The following CDH18 variants were observed in gnomAD, a reference collection of about 807,000 sequenced individuals.
CDH18 encodes cadherin 18.
Under a neutral mutation model 67.9 loss-of-function variants are expected in CDH18, and 31 were observed. The ratio of observed to expected loss-of-function variants is 0.46; its 90% CI spans 0.34 to 0.62. The LOEUF (loss-of-function observed/expected upper bound fraction) is 0.62. CDH18 is among the 20% of genes least tolerant of loss of function. The pLI, the probability that CDH18 is intolerant of heterozygous loss-of-function variation, is 0.01. For synonymous variants in CDH18, 362 were observed against 347.2 expected, an observed-to-expected ratio of 1.04 and a Z score of -0.48; for missense variants, 890 against 975.5, an observed-to-expected ratio of 0.91 and a Z score of 1.17.
chr5:19,661,363 T>G (rs1757148090), intron 5 of CDH18, among the ~76,000 whole-genome samples: 1 of 151,968 alleles, frequency 6.6e-6, no homozygotes. Context: ...GTGATAGTAA[T>G]GTACTGGTGA....
At chr5:20,302,734 C>G (rs1173767420) in intron 1 of CDH18, among the ~76,000 whole-genome samples, 1 of 152,212 alleles carries the variant, frequency 6.6e-6, no homozygotes, top group African/African-American at 2.4e-5. Flanking sequence ...GAATGCGCTA[C>G]GCACTGAAGA....
At chr5:20,426,157 A>C (rs2150167617) in intron 1 of CDH18, among the ~76,000 whole-genome samples, 1 of 151,356 alleles carries the variant, frequency 6.6e-6, no homozygotes, top group Non-Finnish European at 1.5e-5. Context: ...AAGTTACATG[A>C]CAACTTTGTG....
At chr5:19,900,898 G>A (rs1038627564) in intron 2 of CDH18, among the ~76,000 whole-genome samples, 2 of 152,078 alleles carry the variant, frequency 1.3e-5, no homozygotes, top group Admixed American at 6.6e-5. Context: ...TATCAGTAAA[G>A]ACGAGCCTTC....
intron 1 of CDH18, among the ~76,000 whole-genome samples, chr5:20,555,461 T>TTTTTG (rs1757855707): frequency 8.3e-6 from 1 of 119,784 alleles, no homozygotes; most frequent in African/African-American, 3.1e-5. Flanking sequence ...CTTTTTTCTT[T>TTTTTG]GAGACAGATT....
chr5:20,345,615 T>C (rs1740635955), intron 1 of CDH18, among the ~76,000 whole-genome samples: 1 of 152,114 alleles, frequency 6.6e-6, no homozygotes, highest in Non-Finnish European at 1.5e-5. Flanking sequence ...GTTTTTTAAA[T>C]AATATGTAAG....
chr5:20,505,158 C>T (rs1319881870), intron 1 of CDH18, among the ~76,000 whole-genome samples: 1 of 151,862 alleles, frequency 6.6e-6, no homozygotes, highest in Non-Finnish European at 1.5e-5. Context: ...AAATATAATA[C>T]ATGTAGATAA....
At chr5:20,186,689 G>C (rs1270356426) in intron 2 of CDH18, among the ~76,000 whole-genome samples, 1 of 151,810 alleles carries the variant, frequency 6.6e-6, no homozygotes, top group Non-Finnish European at 1.5e-5. Context: ...TAGATCCCTT[G>C]TACATTGCTG....
intron 1 of CDH18, among the ~76,000 whole-genome samples, chr5:20,542,799 T>A (rs1007560984): frequency 2.0e-5 from 3 of 152,042 alleles, no homozygotes; most frequent in Non-Finnish European, 2.9e-5. Context: ...CTTTTATTTG[T>A]CCATGGATTT....
At chr5:20,039,512 C>T (rs112827776) in intron 2 of CDH18, among the ~76,000 whole-genome samples, 8,854 of 151,838 alleles carry the variant, frequency 0.058, 366 homozygotes, top group African/African-American at 0.11. Context: ...TAGACCAATG[C>T]AACACAACAG....
intron 1 of CDH18, among the ~76,000 whole-genome samples, chr5:20,494,524 A>G (rs1231897666): frequency 6.6e-6 from 1 of 152,200 alleles, no homozygotes; most frequent in African/African-American, 2.4e-5. Flanking sequence ...CTGAAAAAGT[A>G]TAAGCACATT....
At chr5:20,141,035 A>G (rs2126523917) in intron 2 of CDH18, among the ~76,000 whole-genome samples, 1 of 152,300 alleles carries the variant, frequency 6.6e-6, no homozygotes, top group South Asian at 2.1e-4. Flanking sequence ...TCCAACAGCC[A>G]GATTCCCACT....
intron 2 of CDH18, among the ~76,000 whole-genome samples, chr5:19,890,857 G>A (rs1788717644): frequency 6.6e-6 from 1 of 151,996 alleles, no homozygotes; most frequent in African/African-American, 2.4e-5. Context: ...ACTTTTTCCA[G>A]AATAACCACA....
chr5:19,652,435 A>G (rs1755713839), intron 5 of CDH18, among the ~76,000 whole-genome samples: 2 of 152,256 alleles, frequency 1.3e-5, no homozygotes, highest in African/African-American at 4.8e-5. Context: ...CCAAAAAATA[A>G]TGGGGAAGGA....
intron 1 of CDH18, among the ~76,000 whole-genome samples, chr5:20,365,103 C>G (rs1480411137): frequency 6.6e-6 from 1 of 152,180 alleles, no homozygotes; most frequent in East Asian, 1.9e-4. Flanking sequence ...ATTTAAACAG[C>G]AAAAATTTAC....
intron 2 of CDH18, among the ~76,000 whole-genome samples, chr5:20,181,789 T>C (rs1737705127): frequency 6.6e-6 from 1 of 152,090 alleles, no homozygotes; most frequent in Admixed American, 6.6e-5. Context: ...CAAATAAGCA[T>C]GCTATCAGGC....
At chr5:19,577,616 G>C (rs1048627526) in intron 7 of CDH18, among the ~76,000 whole-genome samples, 1 of 152,142 alleles carries the variant, frequency 6.6e-6, no homozygotes, top group Non-Finnish European at 1.5e-5. Context: ...ATGAGATTTA[G>C]ATTGAGATGA....
intron 2 of CDH18, among the ~76,000 whole-genome samples, chr5:20,189,434 CAAT>C (rs1738362430): frequency 6.6e-6 from 1 of 152,066 alleles, no homozygotes; most frequent in Non-Finnish European, 1.5e-5. Flanking sequence ...CAAATGATAA[CAAT>C]AGTTAACTCT....
intron 1 of CDH18, among the ~76,000 whole-genome samples, chr5:20,501,579 TA>T (rs1206599906): frequency 2.3e-4 from 3 of 12,896 alleles, no homozygotes; most frequent in Non-Finnish European, 5.3e-4. Flanking sequence ...AATATATATA[TA>T]TTATATATAT....
chr5:20,463,918 T>C (rs1013738342), intron 1 of CDH18, among the ~76,000 whole-genome samples: 1 of 152,104 alleles, frequency 6.6e-6, no homozygotes, highest in Non-Finnish European at 1.5e-5. Context: ...CCAGAGGACA[T>C]GCTGATAGGT....
Sources: gnomAD v4.1 joint callset for allele counts (sites outside exome capture counted in the v4.1 genomes callset) on GRCh38, gnomAD v4.1.1 for gene constraint, MANE v1.5 for transcripts, NCBI Gene and HGNC (gene_info 2026-07-23, HGNC 2026-07-21) for gene names.